Variants in CPZ observed in about 807,000 individuals in gnomAD.
CPZ encodes the protein carboxypeptidase Z.
In CPZ, 103 loss-of-function variants were observed where a neutral mutation model predicts 61.8. The ratio of observed to expected loss-of-function variants is 1.67; its 90% confidence interval spans 1.42 to 1.96. The LOEUF is 1.96. Among genes scored for constraint, CPZ ranks in the 30% most tolerant of loss-of-function variants. The pLI is 0.00. For synonymous variants in CPZ, 551 were observed against 373.7 expected (o/e 1.47, Z -5.47); for missense variants, 1,461 against 914.9 (o/e 1.60, Z -7.70).
At chr4:8,615,393 G>A (rs1206190675) in intron 9 of CPZ, among the ~76,000 whole-genome samples, 1 of 152,214 alleles carries the variant, frequency 6.6e-6, no homozygotes, top group Non-Finnish European at 1.5e-5. Flanking sequence ...AAGGCAGCCT[G>A]CGTTCGAAGA....
Position 8,614,341 on chromosome 4 carries a change from G to C in CPZ, c.1364-18G>C, listed in dbSNP as rs202193707. ...TGCGGCTGACACCCCTGACGTCCCCGCTGTCTCTGTGCCACAGGCATGTCC... is the reference window on the plus strand; with the variant it reads ...TGCGGCTGACACCCCTGACGTCCCCCCTGTCTCTGTGCCACAGGCATGTCC... On this transcript the variant is annotated intron_variant, in intron 8 of 10. Coordinates refer to ENST00000360986, the MANE Select transcript of CPZ (RefSeq NM_001014447.3). 6 of 1,607,168 alleles carry C rather than the reference G, an allele frequency of 3.7e-6. No homozygotes were observed. The highest frequency in any genetic ancestry group is 5.1e-6 in the Non-Finnish European group (6 of 1,177,346).
Position 8,619,335 on chromosome 4 carries a change from CAAAGTCATCAAG to C in CPZ, c.1688_1699del (p.Lys563_Ile566del), listed in dbSNP as rs763183012. Reference sequence around the variant, plus strand: ...TCATTGCCCAAGCCCCTGGCTACGCCAAAGTCATCAAGAAAGTCATCATCCCCGCCCGGATGA... The same window carrying C: ...TCATTGCCCAAGCCCCTGGCTACGCCAAAGTCATCATCCCCGCCCGGATGA... On this transcript the variant is annotated inframe_deletion, in exon 11 of 11. Coordinates refer to ENST00000360986, the MANE Select transcript of CPZ (RefSeq NM_001014447.3). 5.6e-6 allele frequency: 9 copies of C among 1,614,054 alleles called. No homozygotes were observed. The African/African-American group carries it at 6.7e-5, about 12-fold the overall frequency.
intron 7 of CPZ, among the ~76,000 whole-genome samples, chr4:8,608,448 C>A (rs1017534185): frequency 5.3e-5 from 8 of 152,204 alleles, no homozygotes; most frequent in Non-Finnish European, 1.0e-4. Flanking sequence ...CCCGGCCGAG[C>A]ACATAGCTGG....
At chr4:8,616,555 G>T (rs970917044) in intron 9 of CPZ, among the ~76,000 whole-genome samples, 3 of 152,192 alleles carry the variant, frequency 2.0e-5, no homozygotes, top group African/African-American at 7.2e-5. Flanking sequence ...GGTCATCAGG[G>T]AGGGCTTCCT....
chr4:8,618,570 A>C, intron 10 of CPZ, 42 bp downstream of exon 10: 1 of 1,588,760 alleles, frequency 6.3e-7, no homozygotes, highest in Middle Eastern at 1.7e-4. Context: ...CACGTCTGCC[A>C]AGGAAATGCC....
chr4:8,615,148 G>A (rs1489479572), intron 9 of CPZ, among the ~76,000 whole-genome samples: 2 of 152,100 alleles, frequency 1.3e-5, no homozygotes, highest in East Asian at 3.9e-4. Flanking sequence ...AGGGCGTCCT[G>A]ACTGAGGGGT....
chr4:8,618,686 C>A (rs1397322841), intron 10 of CPZ, among the ~76,000 whole-genome samples, 158 bp downstream of exon 10: 1 of 152,182 alleles, frequency 6.6e-6, no homozygotes, highest in Non-Finnish European at 1.5e-5. Flanking sequence ...TGGGCAGGAA[C>A]CAGGGTCTGC....
chr4:8,612,684 A>C (rs962227041), intron 8 of CPZ, among the ~76,000 whole-genome samples: 1 of 152,230 alleles, frequency 6.6e-6, no homozygotes, highest in Non-Finnish European at 1.5e-5. Context: ...GAGGCTGCAC[A>C]GGAGCAATAT....
intron 9 of CPZ, among the ~76,000 whole-genome samples, chr4:8,616,285 G>C (rs571019913): frequency 6.6e-6 from 1 of 152,308 alleles, no homozygotes; most frequent in African/African-American, 2.4e-5. Context: ...TGGGGCGAGG[G>C]GAGGGGCGGC....
chr4:8,617,247 T>G (rs1716254532), intron 9 of CPZ, among the ~76,000 whole-genome samples: 1 of 152,230 alleles, frequency 6.6e-6, no homozygotes, highest in Non-Finnish European at 1.5e-5. Flanking sequence ...AGAGCTGCTT[T>G]GGCCTCATGA....
intron 10 of CPZ, 81 bp from the exon 11 acceptor site, chr4:8,619,181 C>A: frequency 7.9e-7 from 1 of 1,266,896 alleles, no homozygotes; most frequent in Non-Finnish European, 1.1e-6. Flanking sequence ...CTAACCTCTC[C>A]CCACTCATAT....
intron 8 of CPZ, among the ~76,000 whole-genome samples, chr4:8,612,471 A>G (rs965003066): frequency 6.6e-6 from 1 of 152,294 alleles, no homozygotes; most frequent in Non-Finnish European, 1.5e-5. Context: ...GAGTTGCCAG[A>G]TGAAATGCTG....
intron 4 of CPZ, among the ~76,000 whole-genome samples, chr4:8,604,523 C>A (rs962074786): frequency 6.6e-6 from 1 of 152,094 alleles, no homozygotes; most frequent in Non-Finnish European, 1.5e-5. Flanking sequence ...CTCTTGTTGC[C>A]CAGGCTGGAG....
At chr4:8,592,983 C>T in intron 1 of CPZ, 62 bp downstream of exon 1, 1 of 1,310,134 alleles carries the variant, frequency 7.6e-7, no homozygotes, top group Non-Finnish European at 1.0e-6. Flanking sequence ...GGAGTGTGAT[C>T]CGTCGCTTCC....
intron 9 of CPZ, among the ~76,000 whole-genome samples, chr4:8,615,450 T>A (rs1716082871): frequency 6.6e-6 from 1 of 152,284 alleles, no homozygotes; most frequent in African/African-American, 2.4e-5. Context: ...TCACATAAAT[T>A]GCATATGAGC....
At chr4:8,601,591 A>T (rs1392062911) in intron 3 of CPZ, 94 bp downstream of exon 3, 1 of 1,290,648 alleles carries the variant, frequency 7.7e-7, no homozygotes. Context: ...GGGCTTTTCC[A>T]TCGACAGTGA....
chr4:8,600,535 CA>C (rs765215834), intron 2 of CPZ, among the ~76,000 whole-genome samples: 24 of 152,208 alleles, frequency 1.6e-4, no homozygotes, highest in Non-Finnish European at 2.6e-4. Flanking sequence ...TGGAGCTAAA[CA>C]AACAGCTGTG....
chr4:8,616,913 T>C (rs1232809646), intron 9 of CPZ, among the ~76,000 whole-genome samples: 1 of 152,130 alleles, frequency 6.6e-6, no homozygotes, highest in African/African-American at 2.4e-5. Context: ...TGTCAGTCCC[T>C]CTCCATCGCG....
intron 7 of CPZ, among the ~76,000 whole-genome samples, chr4:8,607,833 C>T (rs552547213): frequency 1.1e-4 from 16 of 152,296 alleles, no homozygotes; most frequent in Middle Eastern, 3.4e-3. Context: ...GCTGCCCGCC[C>T]GTCCTGCTTC....
Sources: gnomAD v4.1 joint callset for allele counts (sites outside exome capture counted in the v4.1 genomes callset) on GRCh38, gnomAD v4.1.1 for gene constraint, MANE v1.5 for transcripts, NCBI Gene and HGNC (gene_info 2026-07-23, HGNC 2026-07-21) for gene names.